Variants in RP1L1 observed in about 807,000 individuals in gnomAD.
The protein encoded by RP1L1 is RP1 like 1, also known as retinitis pigmentosa 1-like 1 protein.
RP1L1 carries 27 observed loss-of-function variants against 15.7 expected under a neutral mutation model. The observed-to-expected ratio is 1.72, with a 90% CI of 1.27 to 2.38. The LOEUF is 2.38. Among genes scored for constraint, RP1L1 ranks in the 30% most tolerant of loss-of-function variants. RP1L1 has a pLI of 0.00. For synonymous variants in RP1L1, 1,813 were observed against 1,276.7 expected (o/e 1.42, Z -8.96); for missense variants, 4,798 against 3,075.9 (o/e 1.56, Z -13.24).
intron 2 of RP1L1, among the ~76,000 whole-genome samples, chr8:10,619,085 G>A (rs1301519615): frequency 6.6e-6 from 1 of 152,116 alleles, no homozygotes; most frequent in African/African-American, 2.4e-5. Flanking sequence ...GCCCAGGCTG[G>A]TCTCAAACTC....
At chr8:10,654,166 C>T (rs1234690460) in intron 1 of RP1L1, among the ~76,000 whole-genome samples, 2 of 152,142 alleles carry the variant, frequency 1.3e-5, no homozygotes, top group Non-Finnish European at 2.9e-5. Flanking sequence ...TTTTCTCCAC[C>T]AGAAAACTGG....
At position 10,610,607 on chromosome 8, in the gene RP1L1, C is replaced by G. The variant is rs1401566962; in HGVS notation, c.3491G>C (p.Gly1164Ala). ...GAGGCCTGAGTCCAGCTGGTCTTCCCCAACGTCACATCCTGGCCACAGGTC... is the reference window on the plus strand; with the variant it reads ...GAGGCCTGAGTCCAGCTGGTCTTCCGCAACGTCACATCCTGGCCACAGGTC... Reference protein sequence around the residue: ...SKDLWPGCDVGEDQLDSGLWE... With the variant: ...SKDLWPGCDVAEDQLDSGLWE... The change falls in exon 4 of 4, where the codon GGG becomes GCG. Residue 1164 changes from glycine to alanine, a missense_variant. Coordinates refer to ENST00000382483, the MANE Select transcript of RP1L1 (RefSeq NM_178857.6). 6.2e-7 allele frequency: 1 copy of G among 1,613,602 alleles called. No individual in the cohort carries two copies. Among genetic ancestry groups the G allele is most frequent in the Admixed American group, 1.7e-5 (1 of 60,032 alleles).
At chr8:10,617,540 CT>C in intron 2 of RP1L1, among the ~76,000 whole-genome samples, 1 of 85,774 alleles carries the variant, frequency 1.2e-5, no homozygotes, top group South Asian at 4.0e-4. Flanking sequence ...TTTTCTGTTT[CT>C]TTTTCTTTTT....
At chr8:10,637,961 G>T (rs923995549) in intron 1 of RP1L1, among the ~76,000 whole-genome samples, 1 of 152,168 alleles carries the variant, frequency 6.6e-6, no homozygotes, top group South Asian at 2.1e-4. Context: ...GCAGCCCCAG[G>T]GCTGGGTCCC....
chr8:10,610,039 C>G lies in RP1L1; in HGVS notation c.4059G>C (p.Glu1353Asp), dbSNP rs1563122363. 7 of 1,478,668 alleles carry G rather than the reference C, an allele frequency of 4.7e-6. No homozygotes were observed. The highest frequency in any genetic ancestry group is 5.5e-6 in the Non-Finnish European group (6 of 1,099,310). The allele number at this position is 1,478,668 out of a possible 1,614,324, so 91.6% of individuals were successfully genotyped here. ...TTTCTTCAATTTCCTCTAACTGCGCCTCTTCTTCTTGCTGTCCTTCTCCTT... is the reference window on the plus strand; with the variant it reads ...TTTCTTCAATTTCCTCTAACTGCGCGTCTTCTTCTTGCTGTCCTTCTCCTT... ...ETEGEGQQEE[E>D]AQLEEIEETG... The change falls in exon 4 of 4, where the codon GAG (glutamate) becomes GAC (aspartate). Residue 1353 changes from glutamate (E) to aspartate (D), a missense_variant. Transcript: ENST00000382483.
Position 10,623,016 on chromosome 8 carries a change from G to A in RP1L1, c.186C>T (p.Ser62=), listed in dbSNP as rs142487521. 1.2e-4 allele frequency: 189 copies of A among 1,614,116 alleles called. No homozygotes were observed. Among genetic ancestry groups the A allele is most frequent in the African/African-American group, 8.8e-4 (66 of 75,038 alleles). Residue 62 remains serine (S), a synonymous_variant, in exon 2 of 4, where the codon AGC becomes AGT. Transcript: ENST00000382483. ...GCTGGGAGAGCTCGTCCATGAGGGC[G>A]CTGAAGGTCTTAAAGGCGCGCTGGT... ...AVHQRAFKTF[S]ALMDELSQRV...
chr8:10,632,714 C>T (rs78960982), intron 1 of RP1L1, among the ~76,000 whole-genome samples: 7,980 of 152,330 alleles, frequency 0.052, 651 homozygotes, highest in African/African-American at 0.17. Flanking sequence ...TGTTGAGAGA[C>T]TGAATGAGTA....
At chr8:10,616,371 G>C (rs1797964835) in intron 3 of RP1L1, 75 bp downstream of exon 3, 3 of 1,594,072 alleles carry the variant, frequency 1.9e-6, no homozygotes, top group Admixed American at 3.3e-5. Flanking sequence ...GAATTACCTG[G>C]AAGGCTTTCC....
rs143030955 is a variant in RP1L1, at chr8:10,633,225, A to G, written c.-19-10005T>C. On this transcript the variant is annotated intron_variant, in intron 1 of 3. Transcript: ENST00000382483. ...TGAGCCAGGAATGCTGGCCTCACAA[A>G]GCCGCAGCCAGGTCAGGGATGGGGA... is the stretch of plus-strand genomic sequence containing the variant. Among the ~76,000 whole-genome samples the G allele has an allele frequency of 4.0e-3, 609 of 152,312 alleles. 5 individuals are homozygous for G. Among genetic ancestry groups the G allele is most frequent in the African/African-American group, 0.014 (567 of 41,576 alleles).
chr8:10,626,547 G>A lies in RP1L1; in HGVS notation c.-19-3327C>T, dbSNP rs150996669. On this transcript the variant is annotated intron_variant, in intron 1 of 3. Transcript: ENST00000382483. ...ACGGGCTGCATGGGGTCAGGCAGCC[G>A]TTTTCAGCACCACCTTCCAGTGGCT... 6.7e-4 allele frequency among the ~76,000 whole-genome samples: 102 copies of A among 152,294 alleles called. 1 individual carries two copies. The East Asian group carries it at 0.017, about 26-fold the overall frequency.
rs777588819 is a variant in RP1L1 at position 10,622,894 on chromosome 8, A to G, written c.308T>C (p.Leu103Pro). 29 of 1,613,608 alleles carry G rather than the reference A, an allele frequency of 1.8e-5. No homozygotes were observed. Among genetic ancestry groups the G allele is most frequent in the Non-Finnish European group, 2.0e-5 (24 of 1,179,878 alleles). The stretch of plus-strand genomic sequence containing the variant: ...CTTGGGGGGCTTCTTATCAGAGCAG[A>G]GGTAGCAGCCTCCATCTTCCAGCTG... ...LEQLEDGGCYLCSDKKPPKTP... is the reference protein window; with the variant it reads ...LEQLEDGGCYPCSDKKPPKTP... Residue 103 changes from leucine (L) to proline (P), a missense_variant, in exon 2 of 4, where the codon CTC becomes CCC. By Grantham distance (98) the Leu-to-Pro change is moderately conservative. Transcript: ENST00000382483.
intron 1 of RP1L1, among the ~76,000 whole-genome samples, chr8:10,633,256 A>C (rs1585991300): frequency 6.6e-6 from 1 of 152,148 alleles, no homozygotes; most frequent in South Asian, 2.1e-4. Context: ...GGGGAAGCAG[A>C]GATGCTGACC....
Position 10,606,817 on chromosome 8 carries a change from C to A in RP1L1, c.*78G>T. 6.2e-7 allele frequency: 1 copy of A among 1,602,686 alleles called. No homozygotes were observed. Among genetic ancestry groups the A allele is most frequent in the Non-Finnish European group, 8.5e-7 (1 of 1,178,816 alleles). On this transcript the variant is annotated 3_prime_UTR_variant, in exon 4 of 4. Transcript: ENST00000382483. ...CTATGGACATCTCCAGTGGACTGAA[C>A]GTTGCTCAGTTTTGTAGAAAAAATA...
intron 1 of RP1L1, among the ~76,000 whole-genome samples, chr8:10,639,308 C>G (rs1050233448): frequency 2.6e-5 from 4 of 152,148 alleles, no homozygotes; most frequent in African/African-American, 7.2e-5. Context: ...ACCGAGGAAT[C>G]TGCCCGCGTG....
intron 1 of RP1L1, among the ~76,000 whole-genome samples, chr8:10,652,470 C>A (rs1437863374): frequency 6.6e-6 from 1 of 152,156 alleles, no homozygotes; most frequent in Admixed American, 6.5e-5. Flanking sequence ...GCGATGTCAT[C>A]TAACTCTAAT....
rs1798218485 is a variant in RP1L1 at position 10,630,094 on chromosome 8, G to C, written c.-19-6874C>G. On this transcript the variant is annotated intron_variant, in intron 1 of 3. Coordinates refer to ENST00000382483, the MANE Select transcript of RP1L1 (RefSeq NM_178857.6). ...AGCTCAGTCATGAGGGCGTAGTCAAGTCAAGAGGGCTTAGCTGGGCAAAGG... is the reference window on the plus strand; with the variant it reads ...AGCTCAGTCATGAGGGCGTAGTCAACTCAAGAGGGCTTAGCTGGGCAAAGG... Among the ~76,000 whole-genome samples, 3 of 152,336 alleles carry C rather than the reference G, an allele frequency of 2.0e-5. No individual in the cohort carries two copies. In the East Asian group the frequency reaches 5.8e-4, roughly 29 times the overall value.
chr8:10,650,588 G>C (rs34510266), intron 1 of RP1L1, among the ~76,000 whole-genome samples: 16,422 of 148,992 alleles, frequency 0.11, 988 homozygotes, highest in Non-Finnish European at 0.14. Context: ...AGGGAGTCTC[G>C]CTCTGTCGTC....
intron 1 of RP1L1, among the ~76,000 whole-genome samples, chr8:10,639,705 G>A (rs2117255094): frequency 6.6e-6 from 1 of 152,186 alleles, no homozygotes; most frequent in East Asian, 1.9e-4. Flanking sequence ...CCACATTATT[G>A]GAGAATCTTA....
rs1798219451 is a variant in RP1L1 at position 10,630,160 on chromosome 8, C to T, written c.-19-6940G>A. Among the ~76,000 whole-genome samples, 3 of 152,368 alleles carry T rather than the reference C, an allele frequency of 2.0e-5. No individual in the cohort carries two copies. In the South Asian group the frequency reaches 6.2e-4, roughly 32 times the overall value. On this transcript the variant is annotated intron_variant, in intron 1 of 3. Coordinates refer to ENST00000382483, the MANE Select transcript of RP1L1 (RefSeq NM_178857.6). ...GCATCTATCTCTATACCTAGATGGT[C>T]CTCCCTTGACCCCCAGCTGGGAGTG... is the stretch of plus-strand genomic sequence containing the variant.
Sources: allele counts gnomAD v4.1 joint callset (sites outside exome capture counted in the v4.1 genomes callset), GRCh38; gene constraint gnomAD v4.1.1; transcripts MANE v1.5; gene names NCBI Gene and HGNC (gene_info 2026-07-23, HGNC 2026-07-21).